The following GNAQ variants were observed in gnomAD, a reference collection of about 807,000 sequenced individuals.
GNAQ encodes the protein G protein subunit alpha q.
A neutral mutation model predicts 43.9 loss-of-function variants in GNAQ; 8 were observed. The observed-to-expected ratio is 0.18, with a 90% CI of 0.11 to 0.33. GNAQ has a LOEUF of 0.33. Ranked by LOEUF, GNAQ falls within the 10% of genes least tolerant of loss-of-function variation. The pLI is 1.00. For missense variants in GNAQ, 158 were observed against 450.8 expected (o/e 0.35, Z 5.88); for synonymous variants, 155 against 170.7 (o/e 0.91, Z 0.71).
chr9:77,853,652 A>G (rs1175632536), intron 2 of GNAQ, among the ~76,000 whole-genome samples: 2 of 151,988 alleles, frequency 1.3e-5, no homozygotes, highest in Non-Finnish European at 2.9e-5. Flanking sequence ...AAATAAACCT[A>G]CAATATGCAC....
At chr9:77,769,956 G>A (rs780987090) in intron 5 of GNAQ, among the ~76,000 whole-genome samples, 3 of 152,034 alleles carry the variant, frequency 2.0e-5, no homozygotes, top group Non-Finnish European at 2.9e-5. Flanking sequence ...GTGAGCCACC[G>A]CGCCTGGCCA....
chr9:77,967,777 C>T (rs1308301036), intron 1 of GNAQ, among the ~76,000 whole-genome samples: 2 of 151,944 alleles, frequency 1.3e-5, no homozygotes, highest in East Asian at 1.9e-4. Flanking sequence ...GTCAGCAGTT[C>T]GAAACCAGCC....
At chr9:77,999,843 G>T (rs1823621629) in intron 1 of GNAQ, among the ~76,000 whole-genome samples, 1 of 152,034 alleles carries the variant, frequency 6.6e-6, no homozygotes, top group Non-Finnish European at 1.5e-5. Flanking sequence ...ATAAAAATGA[G>T]GAAAGAACAA....
intron 1 of GNAQ, among the ~76,000 whole-genome samples, chr9:77,945,751 T>C (rs570513300): frequency 4.8e-4 from 73 of 152,324 alleles, no homozygotes; most frequent in African/African-American, 1.6e-3. Flanking sequence ...TTAAGACCTA[T>C]TAAAGGCAGC....
intron 2 of GNAQ, among the ~76,000 whole-genome samples, chr9:77,914,828 CAAAAAAAAA>C (rs71503232): frequency 4.1e-5 from 4 of 98,152 alleles, no homozygotes; most frequent in African/African-American, 1.4e-4. Context: ...TTTTGAACAC[CAAAAAAAAA>C]AAAAAAAAAA....
intron 2 of GNAQ, among the ~76,000 whole-genome samples, chr9:77,885,973 G>T (rs2118086676): frequency 8.6e-6 from 1 of 116,484 alleles, no homozygotes; most frequent in African/African-American, 3.5e-5. Context: ...CATTTAAAAA[G>T]AAAGGCAGGA....
chr9:77,974,267 C>A (rs1035934217), intron 1 of GNAQ, among the ~76,000 whole-genome samples: 2 of 152,122 alleles, frequency 1.3e-5, no homozygotes, highest in Non-Finnish European at 1.5e-5. Flanking sequence ...CCTCCAGATG[C>A]CCCCATCCAT....
intron 2 of GNAQ, among the ~76,000 whole-genome samples, chr9:77,836,737 A>G (rs954133814): frequency 6.6e-5 from 10 of 152,238 alleles, no homozygotes; most frequent in Non-Finnish European, 1.2e-4. Context: ...CCAAACTATC[A>G]TATATTTATA....
intron 2 of GNAQ, among the ~76,000 whole-genome samples, chr9:77,819,017 A>AAC (rs1827066653): frequency 6.6e-6 from 1 of 150,688 alleles, no homozygotes; most frequent in African/African-American, 2.4e-5. Flanking sequence ...AAAAAAAAAA[A>AAC]AAAAAAAAAA....
At chr9:77,940,740 G>A (rs1167516054) in intron 1 of GNAQ, among the ~76,000 whole-genome samples, 4 of 152,178 alleles carry the variant, frequency 2.6e-5, no homozygotes, top group African/African-American at 9.6e-5. Context: ...GGCCGAGGCA[G>A]GCGGATCACG....
intron 1 of GNAQ, among the ~76,000 whole-genome samples, chr9:77,922,714 T>C (rs1829016441): frequency 6.6e-6 from 1 of 152,194 alleles, no homozygotes; most frequent in Non-Finnish European, 1.5e-5. Context: ...TCTGAAACGC[T>C]TCCAGGACAC....
At chr9:77,816,690 A>G (rs886183904) in intron 2 of GNAQ, among the ~76,000 whole-genome samples, 1 of 152,198 alleles carries the variant, frequency 6.6e-6, no homozygotes, top group Non-Finnish European at 1.5e-5. Context: ...TGGACACTGG[A>G]GGCAGATGGC....
In GNAQ at chr9:77,908,340, C is replaced by A. The variant is rs139005222; in HGVS notation, c.321+13821G>T. ...GCCTTAAATCCTACCAGAGGCCAGC[C>A]ACTGCTCCCAAGAAACCACTGTTGC... On this transcript the variant is annotated intron_variant, in intron 2 of 6. Coordinates refer to ENST00000286548, the MANE Select transcript of GNAQ (RefSeq NM_002072.5). 8.2e-3 allele frequency among the ~76,000 whole-genome samples: 1,246 copies of A among 152,240 alleles called. 9 individuals are homozygous for A. The highest frequency in any genetic ancestry group is 9.4e-3 in the Non-Finnish European group (641 of 68,020).
At chr9:77,745,060 A>ATGAT (rs1239948794) in intron 5 of GNAQ, among the ~76,000 whole-genome samples, 2 of 152,182 alleles carry the variant, frequency 1.3e-5, no homozygotes, top group Non-Finnish European at 2.9e-5. Context: ...GTGTGAGTAA[A>ATGAT]TGATAGGCTC....
At chr9:77,784,901 T>C (rs1269606119) in intron 5 of GNAQ, among the ~76,000 whole-genome samples, 1 of 152,222 alleles carries the variant, frequency 6.6e-6, no homozygotes, top group Admixed American at 6.5e-5. Flanking sequence ...TATGCTACTA[T>C]ACACCCACCT....
At chr9:77,985,096 G>A (rs1823417424) in intron 1 of GNAQ, among the ~76,000 whole-genome samples, 1 of 152,162 alleles carries the variant, frequency 6.6e-6, no homozygotes, top group Non-Finnish European at 1.5e-5. Flanking sequence ...AGATCACAAG[G>A]TGAGGAGATC....
intron 5 of GNAQ, among the ~76,000 whole-genome samples, chr9:77,794,038 G>A (rs1417415748): frequency 6.6e-6 from 1 of 151,960 alleles, no homozygotes; most frequent in Non-Finnish European, 1.5e-5. Context: ...ATTCACATTT[G>A]CCAAGAGAGA....
intron 5 of GNAQ, among the ~76,000 whole-genome samples, chr9:77,778,651 T>TA (rs1204639039): frequency 5.3e-5 from 8 of 151,530 alleles, no homozygotes; most frequent in African/African-American, 1.7e-4. Flanking sequence ...CCAGAATGGA[T>TA]AAAAAAAACC....
chr9:77,767,253 G>C (rs961556579), intron 5 of GNAQ, among the ~76,000 whole-genome samples: 1 of 152,150 alleles, frequency 6.6e-6, no homozygotes, highest in African/African-American at 2.4e-5. Context: ...TATGTGTTGT[G>C]AGGGGCTGTC....
Sources: gnomAD v4.1 joint callset for allele counts (sites outside exome capture counted in the v4.1 genomes callset) on GRCh38, gnomAD v4.1.1 for gene constraint, MANE v1.5 for transcripts, NCBI Gene and HGNC (gene_info 2026-07-23, HGNC 2026-07-21) for gene names.